The following PRDM2 variants were observed in gnomAD, a reference collection of about 807,000 sequenced individuals.
PRDM2 encodes the protein PR/SET domain 2.
PRDM2 carries 30 observed loss-of-function variants against 130.0 expected under a neutral mutation model. The ratio of observed to expected loss-of-function variants is 0.23; its 90% CI spans 0.17 to 0.31. The LOEUF (loss-of-function observed/expected upper bound fraction) is 0.31, where lower values mean the gene tolerates loss of function less well. Ranked by LOEUF, PRDM2 falls within the 10% of genes least tolerant of loss-of-function variation. The pLI is 1.00. For missense variants in PRDM2, 2,011 were observed against 2,108.4 expected (o/e 0.95, Z 0.90); for synonymous variants, 871 against 782.4 (o/e 1.11, Z -1.89).
intron 7 of PRDM2, among the ~76,000 whole-genome samples, chr1:13,775,312 A>G (rs759039713): frequency 2.0e-5 from 3 of 152,220 alleles, no homozygotes; most frequent in Non-Finnish European, 4.4e-5. Flanking sequence ...GAAGCCACAG[A>G]TTTTGACTGA....
At position 13,780,912 on chromosome 1, in the gene PRDM2, C is replaced by G. The variant is rs1338152910; in HGVS notation, c.3117C>G (p.Pro1039=). The change falls in exon 8 of 10, where the codon CCC becomes CCG. Residue 1039 remains proline, a synonymous_variant. Coordinates refer to ENST00000311066, the MANE Select transcript of PRDM2 (RefSeq NM_001393986.1). ...CCTCTCCCATTCCTCCCGTGGAGCC[C>G]CTGATGTCTGCCGCCTCACCCGGGC... ...PSPSPIPPVE[P]LMSAASPGPP... The G allele has an allele frequency of 6.2e-7, 1 of 1,613,432 alleles. No individual in the cohort carries two copies. Among genetic ancestry groups the G allele is most frequent in the Non-Finnish European group, 8.5e-7 (1 of 1,179,550 alleles).
chr1:13,749,375 C>G lies in PRDM2; in HGVS notation c.399C>G (p.Gly133=), dbSNP rs767625644. 1 of 1,492,438 alleles carries G rather than the reference C, an allele frequency of 6.7e-7. No individual in the cohort carries two copies. The highest frequency in any genetic ancestry group is 9.0e-7 in the Non-Finnish European group (1 of 1,106,906). 92.4% of individuals were successfully genotyped at this position (1,492,438 alleles called of 1,614,324 possible). A position where few individuals can be genotyped will look rare whatever the true frequency, so the allele number is the denominator to read the frequency against. Residue 133 remains glycine, a synonymous_variant, in exon 6 of 10, where the codon GGC becomes GGG. Transcript: ENST00000311066. ...TCTCCCCGCAGCCAATCGCGCCGGG[C>G]GAGGAGCTCCTGGTCTGGTACAATG... The part of the protein sequence containing the change: ...YYKTLKPIAP[G]EELLVWYNGE...
At chr1:13,818,957 A>T (rs568679220) in intron 9 of PRDM2, among the ~76,000 whole-genome samples, 1 of 152,128 alleles carries the variant, frequency 6.6e-6, no homozygotes, top group African/African-American at 2.4e-5. Flanking sequence ...CATTTTACAG[A>T]TGGAAAAATT....
chr1:13,809,921 C>T (rs928184745), intron 8 of PRDM2, among the ~76,000 whole-genome samples: 4 of 152,092 alleles, frequency 2.6e-5, no homozygotes, highest in Non-Finnish European at 5.9e-5. Flanking sequence ...TGGTTCTGGT[C>T]GAGGCTCTCT....
intron 6 of PRDM2, chr1:13,770,304 A>G (rs1448898999): frequency 2.0e-6 from 1 of 490,046 alleles, no homozygotes; most frequent in East Asian, 6.7e-5. Context: ...TAGGTAGGGA[A>G]TAAAACTTAA....
Position 13,781,971 on chromosome 1 carries a change from T to C in PRDM2, c.4176T>C (p.Asn1392=). ...GVVVLDNSGK[N]AFRRMGQPKR... is the part of the protein sequence containing the mutation. ...TGGTTTTAGATAACTCTGGGAAAAA[T>C]GCCTTCCGACGAATGGGACAGCCCA... The change falls in exon 8 of 10, where the codon AAT becomes AAC. Residue 1392 remains asparagine, a synonymous_variant. Coordinates refer to ENST00000311066, the MANE Select transcript of PRDM2 (RefSeq NM_001393986.1). This position sits in a 1 kb window ranked among gnomAD's most constrained non-coding sequence, Gnocchi z 6.1. 6.2e-7 allele frequency: 1 copy of C among 1,614,084 alleles called. No individual in the cohort carries two copies. Among genetic ancestry groups the C allele is most frequent in the Admixed American group, 1.7e-5 (1 of 60,014 alleles).
chr1:13,706,842 G>A (rs1642225450), intron 1 of PRDM2, among the ~76,000 whole-genome samples: 1 of 151,906 alleles, frequency 6.6e-6, no homozygotes, highest in South Asian at 2.1e-4. Flanking sequence ...CTGTAGAATA[G>A]TGTACACACT....
intron 1 of PRDM2, among the ~76,000 whole-genome samples, chr1:13,704,167 A>G (rs1642142812): frequency 6.6e-6 from 1 of 152,238 alleles, no homozygotes; most frequent in Non-Finnish European, 1.5e-5. Flanking sequence ...TTGGAGCTAC[A>G]TTTGGTAGGG....
chr1:13,770,887 G>A (rs1644346087), intron 6 of PRDM2, among the ~76,000 whole-genome samples: 1 of 152,208 alleles, frequency 6.6e-6, no homozygotes, highest in South Asian at 2.1e-4. Flanking sequence ...CACATCAGTT[G>A]CAGCACAGAG....
chr1:13,805,153 A>C (rs1055667032), intron 8 of PRDM2, among the ~76,000 whole-genome samples: 1 of 152,090 alleles, frequency 6.6e-6, no homozygotes, highest in African/African-American at 2.4e-5. Flanking sequence ...CCCAAAAACT[A>C]CCCAAAGTAG....
chr1:13,787,779 T>G (rs1644771693), intron 8 of PRDM2: 3 of 981,582 alleles, frequency 3.1e-6, no homozygotes, highest in Non-Finnish European at 3.6e-6. Flanking sequence ...TTTTATTGCT[T>G]CTTTTTGGAG....
At chr1:13,805,886 ACCCTGGAG>A (rs1009691146) in intron 8 of PRDM2, among the ~76,000 whole-genome samples, 3 of 151,920 alleles carry the variant, frequency 2.0e-5, no homozygotes, top group African/African-American at 7.3e-5. Context: ...CCACGTGGGG[ACCCTGGAG>A]CCCTGGAGAG....
intron 9 of PRDM2, among the ~76,000 whole-genome samples, chr1:13,820,394 A>T (rs754131944): frequency 1.6e-4 from 24 of 152,346 alleles, no homozygotes; most frequent in Admixed American, 4.6e-4. Flanking sequence ...TGACTCACAC[A>T]AAGCCCAGAG....
At chr1:13,772,023 G>A (rs1449957494) in intron 6 of PRDM2, 1 of 152,130 alleles carries the variant, frequency 6.6e-6, no homozygotes, top group East Asian at 1.9e-4. Flanking sequence ...CGTGTATATA[G>A]CAGCTTTAAG....
In PRDM2 at chr1:13,773,162, C is replaced by T. The variant is rs1350920459; in HGVS notation, c.596C>T (p.Ser199Phe). The stretch of plus-strand genomic sequence containing the variant: ...AAGACAAGTGAGCCAGATTTCACCT[C>T]TGCAAATATGAGAGATTCTGCAGAA... ...QLKTSEPDFT[S>F]ANMRDSAEGP... The change falls in exon 7 of 10, where the codon TCT (serine) becomes TTT (phenylalanine). Residue 199 changes from serine to phenylalanine, a missense_variant. Physicochemically the swap from Ser to Phe is radical, Grantham distance 155. Around this residue, in one of 5 missense-constraint regions of PRDM2, gnomAD observed 1,288 missense variants for 1,237.7 expected, o/e 1.04. Coordinates refer to ENST00000311066, the MANE Select transcript of PRDM2 (RefSeq NM_001393986.1). 1.9e-6 allele frequency: 3 copies of T among 1,567,980 alleles called. No individual in the cohort carries two copies. Among genetic ancestry groups the T allele is most frequent in the African/African-American group, 1.4e-5 (1 of 72,920 alleles).
intron 2 of PRDM2, among the ~76,000 whole-genome samples, chr1:13,716,591 T>G (rs1642549440): frequency 1.3e-5 from 2 of 152,194 alleles, no homozygotes; most frequent in African/African-American, 4.8e-5. Flanking sequence ...ATGTAAGATG[T>G]GTTTCTCTTT....
chr1:13,763,165 C>T lies in PRDM2; in HGVS notation c.512-9913C>T, dbSNP rs765091481. On this transcript the variant is annotated intron_variant, in intron 6 of 9. Coordinates refer to ENST00000311066, the MANE Select transcript of PRDM2 (RefSeq NM_001393986.1). ...TGATCACAGCCAACTGCCAAGACAT[C>T]GACCCTTAGGTTAATACTGGCAGGC... Among the ~76,000 whole-genome samples, 12 of 152,282 alleles carry T rather than the reference C, an allele frequency of 7.9e-5. No individual in the cohort carries two copies. The East Asian group carries it at 9.6e-4, about 12-fold the overall frequency.
intron 1 of PRDM2, among the ~76,000 whole-genome samples, chr1:13,713,584 A>G (rs138275771): frequency 1.8e-4 from 28 of 152,368 alleles, no homozygotes; most frequent in African/African-American, 6.7e-4. Flanking sequence ...GTAAAGCATT[A>G]TAGCTCTTTC....
In PRDM2 at chr1:13,781,236, A is replaced by G; in HGVS notation, c.3441A>G (p.Lys1147=). 6.2e-7 allele frequency: 1 copy of G among 1,614,228 alleles called. No individual in the cohort carries two copies. Among genetic ancestry groups the G allele is most frequent in the Non-Finnish European group, 8.5e-7 (1 of 1,180,046 alleles). ...NVCESPFLSI[K]DLTKHLSIHA... is the part of the protein sequence containing the mutation. ...GTGAATCACCTTTTCTTTCCATTAA[A>G]GATCTAACCAAACATTTATCTATTC... Residue 1147 remains lysine, a synonymous_variant, in exon 8 of 10, where the codon AAA becomes AAG. Coordinates refer to ENST00000311066, the MANE Select transcript of PRDM2 (RefSeq NM_001393986.1). The surrounding 1 kb of genome is among the most constrained non-coding windows in gnomAD (Gnocchi z 6.1).
Sources: gnomAD v4.1 joint callset for allele counts (sites outside exome capture counted in the v4.1 genomes callset) on GRCh38, gnomAD v4.1.1 for gene constraint, gnomAD v4.1.1 regional missense constraint, Gnocchi (gnomAD v3.1) non-coding constraint, MANE v1.5 for transcripts, NCBI Gene and HGNC (gene_info 2026-07-23, HGNC 2026-07-21) for gene names.